Variants in MAGI2 observed in about 807,000 individuals in gnomAD.
MAGI2 encodes the protein membrane-associated guanylate kinase, WW and PDZ domain-containing protein 2.
MAGI2 carries 35 observed loss-of-function variants against 133.3 expected under a neutral mutation model. The ratio of observed to expected loss-of-function variants is 0.26; its 90% confidence interval spans 0.20 to 0.35. MAGI2 has a LOEUF of 0.35. MAGI2 is among the 10% of genes least tolerant of loss of function. The probability of loss-of-function intolerance (pLI) is 1.00; values close to 1 mark genes in which losing one functional copy is unlikely to be tolerated. For missense variants in MAGI2, 1,636 were observed against 1,863.4 expected (o/e 0.88, Z 2.25); for synonymous variants, 729 against 710.6 (o/e 1.03, Z -0.41).
At chr7:78,549,078 T>C (rs1275572703) in intron 3 of MAGI2, among the ~76,000 whole-genome samples, 3 of 152,224 alleles carry the variant, frequency 2.0e-5, no homozygotes, top group Non-Finnish European at 4.4e-5. Flanking sequence ...ATTAGCAGCA[T>C]CATGTCTTAC....
chr7:78,622,227 T>C (rs1288245897), intron 3 of MAGI2, among the ~76,000 whole-genome samples: 2 of 152,022 alleles, frequency 1.3e-5, no homozygotes, highest in Admixed American at 6.6e-5. Context: ...TTCAGTCTTA[T>C]GGATCCCACA....
chr7:79,017,700 T>A (rs1374059897), intron 1 of MAGI2, among the ~76,000 whole-genome samples: 3 of 152,058 alleles, frequency 2.0e-5, no homozygotes, highest in Non-Finnish European at 4.4e-5. Context: ...AATAAAACAG[T>A]ATAGGAACTG....
intron 2 of MAGI2, among the ~76,000 whole-genome samples, chr7:78,820,988 A>G (rs1158157719): frequency 6.6e-6 from 1 of 152,010 alleles, no homozygotes; most frequent in Non-Finnish European, 1.5e-5. Context: ...ATAATGTGCC[A>G]TTTTTCAATT....
chr7:78,407,623 T>C (rs1797502661), intron 6 of MAGI2, among the ~76,000 whole-genome samples: 1 of 148,974 alleles, frequency 6.7e-6, no homozygotes, highest in Admixed American at 6.7e-5. Context: ...TAACAAGAAA[T>C]TGATCTATCA....
In MAGI2 at chr7:78,514,557, C is replaced by CA. The variant is rs764195245; in HGVS notation, c.754+6872dup. On this transcript the variant is annotated intron_variant, in intron 4 of 21. Coordinates refer to ENST00000354212, the MANE Select transcript of MAGI2 (RefSeq NM_012301.4). Reference sequence around the variant, plus strand: ...CAAGATCATAAAATTAAGCCCTTCTCACCCCGCTCAAAAAAGATAAATATC... The same window carrying CA: ...CAAGATCATAAAATTAAGCCCTTCTCAACCCCGCTCAAAAAAGATAAATATC... Among the ~76,000 whole-genome samples, 106 of 152,310 alleles carry CA rather than the reference C, an allele frequency of 7.0e-4. 1 individual carries two copies. The highest frequency in any genetic ancestry group is 1.0e-3 in the Non-Finnish European group (70 of 68,026).
intron 3 of MAGI2, among the ~76,000 whole-genome samples, chr7:78,573,401 T>TATATATATAG (rs1563189756): frequency 1.3e-5 from 1 of 74,218 alleles, no homozygotes; most frequent in African/African-American, 5.5e-5. Flanking sequence ...TATATATATA[T>TATATATATAG]ATAGGCTGCC....
At chr7:78,545,332 C>A (rs1366201463) in intron 3 of MAGI2, among the ~76,000 whole-genome samples, 1 of 150,402 alleles carries the variant, frequency 6.6e-6, no homozygotes, top group African/African-American at 2.5e-5. Flanking sequence ...CCTGTCTCAG[C>A]CTTCTGAGTA....
intron 2 of MAGI2, among the ~76,000 whole-genome samples, chr7:78,812,683 C>T (rs891810296): frequency 6.6e-6 from 1 of 151,732 alleles, no homozygotes; most frequent in Non-Finnish European, 1.5e-5. Context: ...TTGATGCTTT[C>T]AATATAGTGA....
chr7:78,489,774 C>T lies in MAGI2; in HGVS notation c.1032G>A (p.Glu344=). Reference sequence around the variant, plus strand: ...TTAATAACCTACCATTTTCTTTGCACTCTTCTGGAGGTTTAGCCTTTTTCG... The same window carrying T: ...TTAATAACCTACCATTTTCTTTGCATTCTTCTGGAGGTTTAGCCTTTTTCG... ...RLAKKAKPPE[E]CKENELPYGW... The change falls in exon 6 of 22, where the codon GAG becomes GAA. Residue 344 remains glutamate, a synonymous_variant. Coordinates refer to ENST00000354212, the MANE Select transcript of MAGI2 (RefSeq NM_012301.4). 1 of 1,612,042 alleles carries T rather than the reference C, an allele frequency of 6.2e-7. No homozygotes were observed. Among genetic ancestry groups the T allele is most frequent in the Non-Finnish European group, 8.5e-7 (1 of 1,178,608 alleles).
intron 6 of MAGI2, among the ~76,000 whole-genome samples, chr7:78,444,322 C>A (rs185538647): frequency 7.8e-4 from 119 of 152,116 alleles, no homozygotes; most frequent in African/African-American, 2.7e-3. Context: ...CCACGCAGAA[C>A]AGTGAAAAAA....
intron 1 of MAGI2, among the ~76,000 whole-genome samples, chr7:79,387,986 T>C (rs940372517): frequency 6.6e-6 from 1 of 152,014 alleles, no homozygotes; most frequent in Non-Finnish European, 1.5e-5. Flanking sequence ...ATTTTGTAGA[T>C]AGTAAATAAT....
At chr7:78,124,454 A>T (rs1396045803) in intron 20 of MAGI2, among the ~76,000 whole-genome samples, 3 of 152,190 alleles carry the variant, frequency 2.0e-5, no homozygotes, top group African/African-American at 7.2e-5. Context: ...CATGATGTGC[A>T]TGCCTTCTGC....
At chr7:78,125,329 C>G (rs1162141191) in intron 20 of MAGI2, among the ~76,000 whole-genome samples, 2 of 152,050 alleles carry the variant, frequency 1.3e-5, no homozygotes, top group African/African-American at 4.8e-5. Context: ...GGAAAAAGCA[C>G]AAAACTAAAA....
intron 2 of MAGI2, chr7:78,902,603 A>G (rs946892055): frequency 2.0e-5 from 3 of 152,206 alleles, no homozygotes; most frequent in Non-Finnish European, 4.4e-5. Flanking sequence ...ATTCATATCC[A>G]CATGAGAAAC....
intron 2 of MAGI2, among the ~76,000 whole-genome samples, chr7:78,720,263 T>C (rs1468087369): frequency 2.0e-5 from 3 of 152,128 alleles, no homozygotes; most frequent in African/African-American, 7.2e-5. Flanking sequence ...AAGCTATAAA[T>C]AGTAATAGCT....
chr7:79,046,421 C>T (rs530299136), intron 1 of MAGI2, among the ~76,000 whole-genome samples: 14 of 152,314 alleles, frequency 9.2e-5, no homozygotes, highest in African/African-American at 3.4e-4. Flanking sequence ...TGATCTCAGA[C>T]ATCTGGACTC....
chr7:78,261,535 A>C (rs1793517729), intron 9 of MAGI2, among the ~76,000 whole-genome samples: 1 of 152,144 alleles, frequency 6.6e-6, no homozygotes, highest in South Asian at 2.1e-4. Context: ...AATTCTTCAG[A>C]TATTTAGGAT....
At chr7:78,237,993 C>A (rs1247021725) in intron 10 of MAGI2, among the ~76,000 whole-genome samples, 3 of 152,148 alleles carry the variant, frequency 2.0e-5, no homozygotes, top group Non-Finnish European at 4.4e-5. Context: ...AAGCTACCTT[C>A]TCCGTCCTAT....
chr7:78,547,103 G>C (rs1392031140), intron 3 of MAGI2, among the ~76,000 whole-genome samples: 3 of 152,058 alleles, frequency 2.0e-5, no homozygotes, highest in African/African-American at 7.2e-5. Flanking sequence ...TTTACTACAG[G>C]CTAATGGATA....
Sources: gnomAD v4.1 joint callset for allele counts (sites outside exome capture counted in the v4.1 genomes callset) on GRCh38, gnomAD v4.1.1 for gene constraint, MANE v1.5 for transcripts, NCBI Gene and HGNC (gene_info 2026-07-23, HGNC 2026-07-21) for gene names.